The following SLBP variants were observed in gnomAD, a reference collection of about 807,000 sequenced individuals.
SLBP encodes the protein histone RNA hairpin-binding protein.
SLBP carries 29 observed loss-of-function variants against 39.2 expected under a neutral mutation model. That is an observed-to-expected ratio of 0.74 (90% confidence interval 0.55 to 1.01). The LOEUF is 1.01. Ranked by LOEUF, SLBP falls within the 50% of genes least tolerant of loss-of-function variation. The probability of loss-of-function intolerance (pLI) is 0.00; values close to 1 mark genes in which losing one functional copy is unlikely to be tolerated. For synonymous variants in SLBP, 129 were observed against 118.7 expected, an observed-to-expected ratio of 1.09 and a Z score of -0.57; for missense variants, 390 against 350.2, an observed-to-expected ratio of 1.11 and a Z score of -0.91.
In SLBP at chr4:1,699,600, G is replaced by T; in HGVS notation, c.443C>A (p.Thr148Lys). ...RQKQINYGKN[T>K]IAYDRYIKEV... ...TTTAATATAACGATCGTAGGCAATT[G>T]TGTTCTTCCCATAGTTGATCTGCTT... is the stretch of plus-strand genomic sequence containing the variant. Residue 148 changes from threonine to lysine, a missense_variant, in exon 5 of 8, where the codon ACA becomes AAA. Transcript: ENST00000489418. The T allele has an allele frequency of 1.2e-6, 2 of 1,613,838 alleles. No homozygotes were observed. Among genetic ancestry groups the T allele is most frequent in the Non-Finnish European group, 1.7e-6 (2 of 1,179,744 alleles).
Position 1,711,033 on chromosome 4 carries a change from AGAGT to A in SLBP, c.176+837_176+840del, listed in dbSNP as rs1163406130. On this transcript the variant is annotated intron_variant, in intron 2 of 7. Transcript: ENST00000489418. ...GTCACCGCACTCCAGCCTGTGAGACAGAGTGAGACCCTGTCTTTAAAAAAAAAAA... is the reference window on the plus strand; with the variant it reads ...GTCACCGCACTCCAGCCTGTGAGACAGAGACCCTGTCTTTAAAAAAAAAAA... Among the ~76,000 whole-genome samples the A allele has an allele frequency of 4.0e-5, 6 of 149,280 alleles. 1 individual carries two copies. In the Middle Eastern group the frequency reaches 0.01, roughly 254 times the overall value.
rs1273556564 is a variant in SLBP at position 1,712,253 on chromosome 4, C to T, written c.-65G>A. 7.4e-5 allele frequency: 78 copies of T among 1,055,118 alleles called. No homozygotes were observed. The East Asian group carries it at 2.6e-3, about 35-fold the overall frequency. 65.4% of individuals were successfully genotyped at this position (1,055,118 alleles called of 1,614,324 possible). On this transcript the variant is annotated 5_prime_UTR_variant, in exon 1 of 8. Transcript: ENST00000489418. ...AGGCGGCGGCGGCGCGGGCAGAGAGCGCAGAGTAGAGCAGGGCAGGGCCTG... is the reference window on the plus strand; with the variant it reads ...AGGCGGCGGCGGCGCGGGCAGAGAGTGCAGAGTAGAGCAGGGCAGGGCCTG...
Position 1,703,605 on chromosome 4 carries a change from T to C in SLBP, c.272A>G (p.Glu91Gly), listed in dbSNP as rs1377316947. 6.2e-7 allele frequency: 1 copy of C among 1,605,724 alleles called. No individual in the cohort carries two copies. The highest frequency in any genetic ancestry group is 8.5e-7 in the Non-Finnish European group (1 of 1,172,300). ...EDEMRTRVNK[E>G]MARYKRKLLI... ...GGTCCAAAATGTGTACCTTGCCATTTCTTTGTTAACTCTGGTCCTCATTTC... is the reference window on the plus strand; with the variant it reads ...GGTCCAAAATGTGTACCTTGCCATTCCTTTGTTAACTCTGGTCCTCATTTC... The change falls in exon 3 of 8, where the codon GAA becomes GGA. Residue 91 changes from glutamate to glycine, a missense_variant. Glu to Gly is a moderately conservative substitution (Grantham distance 98, BLOSUM62 -2). Transcript: ENST00000489418.
intron 3 of SLBP, 67 bp from the exon 4 acceptor site, chr4:1,700,137 A>T: frequency 8.9e-7 from 1 of 1,126,526 alleles, no homozygotes. Context: ...GGTCTGAGGA[A>T]GCTCCACCCT....
intron 2 of SLBP, among the ~76,000 whole-genome samples, chr4:1,704,557 C>G (rs1484736385): frequency 2.6e-5 from 4 of 152,284 alleles, no homozygotes; most frequent in Admixed American, 2.0e-4. Flanking sequence ...GCCCGAGTTT[C>G]ACAGATCGCG....
At chr4:1,710,868 G>A (rs1370529651) in intron 2 of SLBP, among the ~76,000 whole-genome samples, 1 of 151,668 alleles carries the variant, frequency 6.6e-6, no homozygotes, top group East Asian at 1.9e-4. Flanking sequence ...TGGTCAACAT[G>A]GTGAAACCCT....
chr4:1,708,633 C>T (rs1457350913), intron 2 of SLBP, among the ~76,000 whole-genome samples: 1 of 152,188 alleles, frequency 6.6e-6, no homozygotes, highest in Non-Finnish European at 1.5e-5. Context: ...ATGTGAATGA[C>T]CATATACTAC....
At chr4:1,711,318 G>T (rs1328514239) in intron 2 of SLBP, among the ~76,000 whole-genome samples, 1 of 151,726 alleles carries the variant, frequency 6.6e-6, no homozygotes, top group Non-Finnish European at 1.5e-5. Flanking sequence ...CAAGCCCCCA[G>T]TGCGGGACGA....
At chr4:1,705,533 G>C (rs1021074665) in intron 2 of SLBP, among the ~76,000 whole-genome samples, 1 of 152,126 alleles carries the variant, frequency 6.6e-6, no homozygotes, top group African/African-American at 2.4e-5. Context: ...CTTTAGTTCT[G>C]AATTATCTGT....
In SLBP at chr4:1,707,480, T is replaced by TA. The variant is rs961243486; in HGVS notation, c.177-3781dup. Among the ~76,000 whole-genome samples, 13 of 146,704 alleles carry TA rather than the reference T, an allele frequency of 8.9e-5. 1 individual carries two copies. Among genetic ancestry groups the TA allele is most frequent in the African/African-American group, 9.8e-5 (4 of 40,790 alleles). Reference sequence around the variant, plus strand: ...CTGGGCAACAGAACGAGATTCCATCTAAAAAAAATAATAATTAAAATTTAA... The same window carrying TA: ...CTGGGCAACAGAACGAGATTCCATCTAAAAAAAAATAATAATTAAAATTTAA... On this transcript the variant is annotated intron_variant, in intron 2 of 7. Coordinates refer to ENST00000489418, the MANE Select transcript of SLBP (RefSeq NM_006527.4).
intron 2 of SLBP, among the ~76,000 whole-genome samples, chr4:1,709,613 C>CTTT (rs35077844): frequency 9.2e-5 from 13 of 141,078 alleles, no homozygotes; most frequent in African/African-American, 2.6e-4. Context: ...ACATCTACTT[C>CTTT]TTTTTTTTTT....
intron 6 of SLBP, 122 bp downstream of exon 6, chr4:1,696,080 G>A (rs183430852): frequency 1.8e-4 from 134 of 747,682 alleles, no homozygotes; most frequent in Non-Finnish European, 2.5e-4. Context: ...TGCAGCAGCT[G>A]CTCTGCTCCC....
At chr4:1,694,356 C>A (rs1010607571) in intron 7 of SLBP, among the ~76,000 whole-genome samples, 1 of 146,636 alleles carries the variant, frequency 6.8e-6, no homozygotes, top group Admixed American at 6.7e-5. Context: ...GTGCTGGGAT[C>A]ACAGGCGTGA....
chr4:1,699,378 T>C (rs1716239708), intron 5 of SLBP, among the ~76,000 whole-genome samples, 186 bp downstream of exon 5: 1 of 152,260 alleles, frequency 6.6e-6, no homozygotes, highest in South Asian at 2.1e-4. Context: ...AAAATCTTCA[T>C]GTCTTTAGTT....
chr4:1,699,364 T>A (rs191221631), intron 5 of SLBP, among the ~76,000 whole-genome samples, 200 bp downstream of exon 5: 1 of 152,334 alleles, frequency 6.6e-6, no homozygotes, highest in Admixed American at 6.5e-5. Flanking sequence ...TGAAAATGAT[T>A]TTTAAAATCT....
At chr4:1,701,152 T>C (rs1204820695) in intron 3 of SLBP, among the ~76,000 whole-genome samples, 1 of 148,166 alleles carries the variant, frequency 6.7e-6, no homozygotes. Context: ...TTTTCTTTTT[T>C]TTTTTTTTTT....
In SLBP at chr4:1,712,280, G is replaced by C; in HGVS notation, c.-92C>G. On this transcript the variant is annotated 5_prime_UTR_variant, in exon 1 of 8. Transcript: ENST00000489418. ...CAGAGTAGAGCAGGGCAGGGCCTGA[G>C]GCAGAAACCCGCGTCCCCGCGCCGG... is the stretch of plus-strand genomic sequence containing the variant. 2 of 799,324 alleles carry C rather than the reference G, an allele frequency of 2.5e-6. No individual in the cohort carries two copies. The highest frequency in any genetic ancestry group is 2.6e-5 in the South Asian group (1 of 38,404). 49.5% of individuals were successfully genotyped at this position (799,324 alleles called of 1,614,324 possible).
chr4:1,699,237 A>T (rs116815920), intron 5 of SLBP, among the ~76,000 whole-genome samples: 17,952 of 152,252 alleles, frequency 0.12, 1,467 homozygotes, highest in Non-Finnish European at 0.18. Flanking sequence ...TTCTCCAATT[A>T]GAATTTTACA....
chr4:1,711,301 G>A (rs967256092), intron 2 of SLBP, among the ~76,000 whole-genome samples: 1 of 151,760 alleles, frequency 6.6e-6, no homozygotes, highest in East Asian at 1.9e-4. Flanking sequence ...AGGGAACTCA[G>A]GAGCAACAAG....
Sources: gnomAD v4.1 joint callset for allele counts (sites outside exome capture counted in the v4.1 genomes callset) on GRCh38, gnomAD v4.1.1 for gene constraint, MANE v1.5 for transcripts, NCBI Gene and HGNC (gene_info 2026-07-23, HGNC 2026-07-21) for gene names.